Variants in PTPRG observed in about 807,000 individuals in gnomAD.
PTPRG encodes protein tyrosine phosphatase receptor type G.
PTPRG carries 102 observed loss-of-function variants against 165.3 expected under a neutral mutation model. That is an observed-to-expected ratio of 0.62 (90% CI 0.53 to 0.73). PTPRG has a LOEUF of 0.73. Among genes scored for constraint, PTPRG ranks in the 30% least tolerant of loss-of-function variants. The pLI is 0.00. For synonymous variants in PTPRG, 675 were observed against 669.5 expected, an observed-to-expected ratio of 1.01 and a Z score of -0.13; for missense variants, 1,866 against 1,861.4, an observed-to-expected ratio of 1.00 and a Z score of -0.05.
intron 6 of PTPRG, among the ~76,000 whole-genome samples, chr3:62,135,163 A>T (rs1703660323): frequency 6.6e-6 from 1 of 151,392 alleles, no homozygotes; most frequent in African/African-American, 2.4e-5. Context: ...AGTCCCAGCT[A>T]CTTGGGAGGC....
intron 4 of PTPRG, among the ~76,000 whole-genome samples, chr3:62,074,975 A>T (rs965277064): frequency 3.9e-5 from 6 of 152,216 alleles, no homozygotes; most frequent in African/African-American, 1.4e-4. Context: ...TCATCTACTT[A>T]TTCTTACATT....
intron 1 of PTPRG, among the ~76,000 whole-genome samples, chr3:61,623,052 G>A (rs538154287): frequency 2.0e-5 from 3 of 152,252 alleles, no homozygotes; most frequent in African/African-American, 7.2e-5. Context: ...TATCTCACAG[G>A]CACATCAAGC....
intron 4 of PTPRG, among the ~76,000 whole-genome samples, chr3:62,015,581 A>G (rs557408744): frequency 7.4e-4 from 113 of 152,260 alleles, no homozygotes; most frequent in African/African-American, 2.0e-3. Context: ...GGCTAATGCA[A>G]TCGTTCCACC....
chr3:62,266,809 A>G (rs1350322709), intron 17 of PTPRG, among the ~76,000 whole-genome samples: 2 of 148,014 alleles, frequency 1.4e-5, no homozygotes, highest in Admixed American at 6.9e-5. Context: ...AACAGGCACA[A>G]TCTGCTGGGC....
At chr3:61,831,407 A>G (rs2036289359) in intron 2 of PTPRG, among the ~76,000 whole-genome samples, 1 of 152,230 alleles carries the variant, frequency 6.6e-6, no homozygotes, top group South Asian at 2.1e-4. Context: ...TTACTTATAA[A>G]TATACCACAC....
At chr3:61,671,138 C>CTTTTCTTTTTTTTTTTTTTT (rs1246896291) in intron 1 of PTPRG, among the ~76,000 whole-genome samples, 3 of 124,994 alleles carry the variant, frequency 2.4e-5, no homozygotes, top group African/African-American at 8.9e-5. Context: ...TATGAACTTT[C>CTTTTCTTTTTTTTTTTTTTT]TTTTTTTTTT....
At chr3:61,592,479 C>T (rs1007324846) in intron 1 of PTPRG, among the ~76,000 whole-genome samples, 1 of 152,128 alleles carries the variant, frequency 6.6e-6, no homozygotes, top group Non-Finnish European at 1.5e-5. Context: ...TGAATTTTCC[C>T]TTTCTCTGAA....
rs915074894 is a variant in PTPRG at position 62,295,780 on chromosome 3, T to C, written c.*2473T>C. 5 of 152,082 alleles carry C rather than the reference T, an allele frequency of 3.3e-5. No homozygotes were observed. Among genetic ancestry groups the C allele is most frequent in the African/African-American group, 9.7e-5 (4 of 41,428 alleles). The allele number at this position is 152,082 out of a possible 1,614,324, so 9.4% of individuals were successfully genotyped here. ...AAACACACTTCAATGAGGACAGTTA[T>C]ATTTAGCAGGTCCTCACCCCTGCAA... On this transcript the variant is annotated 3_prime_UTR_variant, in exon 30 of 30. Transcript: ENST00000474889.
At chr3:62,268,547 C>T (rs1177025365) in intron 19 of PTPRG, among the ~76,000 whole-genome samples, 1 of 152,042 alleles carries the variant, frequency 6.6e-6, no homozygotes, top group Non-Finnish European at 1.5e-5. Flanking sequence ...GCTTCAGGTT[C>T]CCTGCTCAAA....
At position 61,923,692 on chromosome 3, in the gene PTPRG, A is replaced by ATTT. The variant is rs71123241; in HGVS notation, c.191-65916_191-65914dup. Among the ~76,000 whole-genome samples the ATTT allele has an allele frequency of 5.2e-4, 52 of 100,846 alleles. 3 individuals carry two copies. The highest frequency in any genetic ancestry group is 1.4e-3 in the South Asian group (4 of 2,860). The allele number at this position is 100,846 out of a possible 152,430, so 66.2% of individuals were successfully genotyped here. A position where few individuals can be genotyped will look rare whatever the true frequency, so the allele number is the denominator to read the frequency against. Reference sequence around the variant, plus strand: ...CCACCATGTCCAGTTTATTTTTTGTATTTTTTTTTTTTTTTTTTTGTAGAG... The same window carrying ATTT: ...CCACCATGTCCAGTTTATTTTTTGTATTTTTTTTTTTTTTTTTTTTTTGTAGAG... On this transcript the variant is annotated intron_variant, in intron 2 of 29. Coordinates refer to ENST00000474889, the MANE Select transcript of PTPRG (RefSeq NM_002841.4).
chr3:61,960,861 C>T (rs1280251949), intron 2 of PTPRG, among the ~76,000 whole-genome samples: 4 of 152,124 alleles, frequency 2.6e-5, no homozygotes, highest in Non-Finnish European at 5.9e-5. Flanking sequence ...AAAATTAAGG[C>T]AATGAGTGGT....
chr3:61,651,812 C>T (rs1702361450), intron 1 of PTPRG, among the ~76,000 whole-genome samples: 1 of 152,070 alleles, frequency 6.6e-6, no homozygotes, highest in Admixed American at 6.6e-5. Context: ...GAATTTAAGA[C>T]CAGCCTGGCC....
In PTPRG at chr3:61,751,529, AGT is replaced by A. The variant is rs563778986; in HGVS notation, c.190+2553_190+2554del. On this transcript the variant is annotated intron_variant, in intron 2 of 29. Coordinates refer to ENST00000474889, the MANE Select transcript of PTPRG (RefSeq NM_002841.4). ...AATGCCATGGGTGCTTTAGGGGTGC[AGT>A]GTGTGAGAGTATGAATTTTGAAGTC... Among the ~76,000 whole-genome samples the A allele has an allele frequency of 7.9e-5, 12 of 152,230 alleles. 2 individuals carry two copies. In the South Asian group the frequency reaches 2.5e-3, roughly 32 times the overall value.
intron 2 of PTPRG, among the ~76,000 whole-genome samples, chr3:61,957,095 A>G (rs2040050046): frequency 1.3e-5 from 2 of 152,214 alleles, no homozygotes; most frequent in Non-Finnish European, 2.9e-5. Context: ...GTCTATAAAT[A>G]TCACCTGAAA....
At chr3:61,735,558 G>C (rs1017139042) in intron 1 of PTPRG, among the ~76,000 whole-genome samples, 2 of 151,096 alleles carry the variant, frequency 1.3e-5, no homozygotes, top group Non-Finnish European at 2.9e-5. Flanking sequence ...TTGAAATGCC[G>C]GGGACAGGCC....
chr3:61,636,432 C>T (rs1490994458), intron 1 of PTPRG, among the ~76,000 whole-genome samples: 3 of 152,202 alleles, frequency 2.0e-5, no homozygotes, highest in Admixed American at 1.3e-4. Context: ...TGTCTGACTT[C>T]TTTCACTTAG....
chr3:61,581,878 G>A (rs150560042), intron 1 of PTPRG, among the ~76,000 whole-genome samples: 1,576 of 152,218 alleles, frequency 0.01, 33 homozygotes, highest in African/African-American at 0.031. Flanking sequence ...CCAAAATGCT[G>A]GGATTACAGG....
intron 2 of PTPRG, among the ~76,000 whole-genome samples, chr3:61,887,999 A>G (rs1292684799): frequency 6.6e-6 from 1 of 152,204 alleles, no homozygotes; most frequent in Non-Finnish European, 1.5e-5. Context: ...AAAAAACAAC[A>G]AACATAGAGC....
At chr3:61,563,938 G>C (rs1699839033) in intron 1 of PTPRG, among the ~76,000 whole-genome samples, 1 of 151,086 alleles carries the variant, frequency 6.6e-6, no homozygotes, top group East Asian at 2.0e-4. Flanking sequence ...TCCTGCCCGC[G>C]GAGCGGCACG....
Sources: allele counts gnomAD v4.1 joint callset (sites outside exome capture counted in the v4.1 genomes callset), GRCh38; gene constraint gnomAD v4.1.1; transcripts MANE v1.5; gene names NCBI Gene and HGNC (gene_info 2026-07-23, HGNC 2026-07-21).